Variants in AMPH observed in about 807,000 individuals in gnomAD.
The protein encoded by AMPH is amphiphysin (Stiff-Mann syndrome with breast cancer 128kD autoantigen).
AMPH carries 49 observed loss-of-function variants against 99.1 expected under a neutral mutation model. The observed-to-expected ratio is 0.49, with a 90% CI of 0.39 to 0.63. AMPH has a LOEUF of 0.63. Among genes scored for constraint, AMPH ranks in the 20% least tolerant of loss-of-function variants. The pLI, the probability that AMPH is intolerant of heterozygous loss-of-function variation, is 0.00. For missense variants in AMPH, 759 were observed against 863.4 expected (o/e 0.88, Z 1.52); for synonymous variants, 314 against 317.3 (o/e 0.99, Z 0.11).
intron 1 of AMPH, among the ~76,000 whole-genome samples, chr7:38,558,713 T>G (rs573514621): frequency 1.3e-5 from 2 of 152,328 alleles, no homozygotes; most frequent in East Asian, 3.9e-4. Flanking sequence ...TCGAAGAAAG[T>G]TGCCTTAGAA....
At chr7:38,533,870 A>T (rs1457749592) in intron 2 of AMPH, among the ~76,000 whole-genome samples, 1 of 151,838 alleles carries the variant, frequency 6.6e-6, no homozygotes, top group Non-Finnish European at 1.5e-5. Context: ...AGACGGCCCC[A>T]CTCCTATCTT....
intron 1 of AMPH, among the ~76,000 whole-genome samples, chr7:38,618,975 T>C (rs1042627607): frequency 6.6e-5 from 10 of 152,196 alleles, no homozygotes; most frequent in Admixed American, 6.5e-4. Context: ...ATACTGTCTA[T>C]GAGAGACAAC....
chr7:38,588,509 T>C (rs1398257775), intron 1 of AMPH, among the ~76,000 whole-genome samples: 2 of 152,186 alleles, frequency 1.3e-5, no homozygotes. Flanking sequence ...CAAAGGGCAC[T>C]AAAATTTACT....
At chr7:38,448,902 T>C (rs560477567) in intron 11 of AMPH, among the ~76,000 whole-genome samples, 1 of 152,184 alleles carries the variant, frequency 6.6e-6, no homozygotes, top group Non-Finnish European at 1.5e-5. Flanking sequence ...TGTTTTTTAT[T>C]AGAACAAGTT....
chr7:38,486,927 C>A lies in AMPH; in HGVS notation c.396+4123G>T, dbSNP rs528908966. Among the ~76,000 whole-genome samples, 130 of 152,124 alleles carry A rather than the reference C, an allele frequency of 8.5e-4. 1 individual carries two copies. The Middle Eastern group carries it at 0.027, about 32-fold the overall frequency. Reference sequence around the variant, plus strand: ...AACTAGAAATAGAGGGAAAGTACCCCAACATATCAAAGGCCATATATGAAA... The same window carrying A: ...AACTAGAAATAGAGGGAAAGTACCCAAACATATCAAAGGCCATATATGAAA... On this transcript the variant is annotated intron_variant, in intron 5 of 20. Coordinates refer to ENST00000356264, the MANE Select transcript of AMPH (RefSeq NM_001635.4).
At chr7:38,436,900 A>G (rs544350436) in intron 11 of AMPH, among the ~76,000 whole-genome samples, 1 of 152,130 alleles carries the variant, frequency 6.6e-6, no homozygotes, top group Admixed American at 6.5e-5. Flanking sequence ...CTGGTACCCT[A>G]CCCCTTGATT....
Position 38,462,986 on chromosome 7 carries a change from A to G in AMPH, c.877T>C (p.Ser293Pro), listed in dbSNP as rs1320053430. The G allele has an allele frequency of 1.9e-6, 3 of 1,577,890 alleles. No individual in the cohort carries two copies. The highest frequency in any genetic ancestry group is 1.4e-5 in the African/African-American group (1 of 73,948). ...TGACCTCTTCCTACCTGTGAAGGTG[A>G]CCGAGGCCGTGCTGGTGCGGGAGAC... ...PASPAPARPR[S>P]PSQTRKGPPV... Residue 293 changes from serine (S) to proline (P), a missense_variant, in exon 10 of 21, where the codon TCA becomes CCA. By Grantham distance (74) the Ser-to-Pro change is moderately conservative (BLOSUM62 -1). Around this residue, in one of 2 missense-constraint regions of AMPH, gnomAD observed 554 missense variants for 575.6 expected, o/e 0.96. Coordinates refer to ENST00000356264, the MANE Select transcript of AMPH (RefSeq NM_001635.4).
intron 16 of AMPH, among the ~76,000 whole-genome samples, chr7:38,420,322 C>A (rs3823596): frequency 6.6e-6 from 1 of 152,078 alleles, no homozygotes; most frequent in African/African-American, 2.4e-5. Flanking sequence ...TGTGAGCAAC[C>A]GCTTGTGGAG....
chr7:38,501,306 T>C (rs1412377199), intron 3 of AMPH, among the ~76,000 whole-genome samples: 1 of 152,212 alleles, frequency 6.6e-6, no homozygotes, highest in Non-Finnish European at 1.5e-5. Context: ...TTCTCCTGCC[T>C]AAGCCTCCTG....
At chr7:38,587,353 G>A (rs930943684) in intron 1 of AMPH, among the ~76,000 whole-genome samples, 1 of 152,156 alleles carries the variant, frequency 6.6e-6, no homozygotes. Context: ...TCTTGACATC[G>A]ATCTAAACGT....
chr7:38,564,661 G>A (rs1791665500), intron 1 of AMPH, among the ~76,000 whole-genome samples: 1 of 152,186 alleles, frequency 6.6e-6, no homozygotes, highest in Non-Finnish European at 1.5e-5. Context: ...CTAATAGATG[G>A]AAAGTGAATT....
chr7:38,523,305 T>C (rs950085434), intron 2 of AMPH, among the ~76,000 whole-genome samples: 2 of 152,090 alleles, frequency 1.3e-5, no homozygotes, highest in African/African-American at 2.4e-5. Flanking sequence ...TATGATACCC[T>C]AGAAACAAAG....
At chr7:38,580,057 C>A (rs1792388249) in intron 1 of AMPH, among the ~76,000 whole-genome samples, 1 of 152,176 alleles carries the variant, frequency 6.6e-6, no homozygotes, top group Admixed American at 6.5e-5. Context: ...CATACATTTA[C>A]AGATTCTCAT....
intron 17 of AMPH, among the ~76,000 whole-genome samples, chr7:38,408,856 G>A (rs1343962844): frequency 6.6e-6 from 1 of 151,652 alleles, no homozygotes; most frequent in Non-Finnish European, 1.5e-5. Context: ...TTTGTCCTGT[G>A]GATTTCATCG....
At chr7:38,534,360 T>C (rs1324674380) in intron 2 of AMPH, among the ~76,000 whole-genome samples, 1 of 152,174 alleles carries the variant, frequency 6.6e-6, no homozygotes, top group Non-Finnish European at 1.5e-5. Context: ...AGCATTCCTA[T>C]AGATCCGTCA....
At chr7:38,464,066 G>C in intron 9 of AMPH, 2 of 1,289,668 alleles carry the variant, frequency 1.6e-6, no homozygotes, top group Non-Finnish European at 2.0e-6. Flanking sequence ...AAGCTTAATA[G>C]AGATGCCACT....
intron 1 of AMPH, among the ~76,000 whole-genome samples, chr7:38,581,528 C>G (rs969460985): frequency 3.9e-5 from 6 of 152,042 alleles, no homozygotes; most frequent in Non-Finnish European, 8.8e-5. Context: ...TTTTAAAGAA[C>G]CTTGGCTTTC....
intron 1 of AMPH, among the ~76,000 whole-genome samples, chr7:38,574,646 G>C (rs868080984): frequency 9.2e-5 from 14 of 152,254 alleles, no homozygotes; most frequent in African/African-American, 3.1e-4. Context: ...AGAATAACAG[G>C]AGTGATTATC....
At chr7:38,447,026 T>G (rs2110654) in intron 11 of AMPH, among the ~76,000 whole-genome samples, 14,850 of 150,404 alleles carry the variant, frequency 0.099, 979 homozygotes, top group East Asian at 0.23. Context: ...ATTTTTTTTT[T>G]TTGTTTGTTT....
Sources: gnomAD v4.1 joint callset for allele counts (sites outside exome capture counted in the v4.1 genomes callset) on GRCh38, gnomAD v4.1.1 for gene constraint, gnomAD v4.1.1 regional missense constraint, MANE v1.5 for transcripts, NCBI Gene and HGNC (gene_info 2026-07-23, HGNC 2026-07-21) for gene names.